RBFOX1: variants seen among roughly 807,000 people sequenced by gnomAD.
RBFOX1 encodes RNA binding protein fox-1 homolog 1.
RBFOX1 carries 8 observed loss-of-function variants against 57.7 expected under a neutral mutation model. The ratio of observed to expected loss-of-function variants is 0.14; its 90% CI spans 0.08 to 0.25. The LOEUF is 0.25. RBFOX1 is among the 10% of genes least tolerant of loss of function. The pLI is 1.00. For missense variants in RBFOX1, 611 were observed against 548.5 expected (o/e 1.11, Z -1.14); for synonymous variants, 326 against 222.4 (o/e 1.47, Z -4.15).
chr16:5,380,651 T>C (rs1331760274), intron 1 of RBFOX1, among the ~76,000 whole-genome samples: 1 of 152,194 alleles, frequency 6.6e-6, no homozygotes, highest in Non-Finnish European at 1.5e-5. Context: ...ATTTCATCCT[T>C]AAACAGATAT....
chr16:6,335,027 T>C (rs1045829904), intron 2 of RBFOX1, among the ~76,000 whole-genome samples: 33 of 152,252 alleles, frequency 2.2e-4, no homozygotes, highest in African/African-American at 7.7e-4. Flanking sequence ...GAATACCTAT[T>C]ATGCCTGTTA....
intron 1 of RBFOX1, among the ~76,000 whole-genome samples, chr16:6,316,361 G>C (rs1225673073): frequency 6.6e-6 from 1 of 152,148 alleles, no homozygotes; most frequent in African/African-American, 2.4e-5. Flanking sequence ...CCCTGTGATT[G>C]GGTGATGATA....
At chr16:5,731,359 A>G (rs1221831475) in intron 3 of RBFOX1, among the ~76,000 whole-genome samples, 1 of 152,196 alleles carries the variant, frequency 6.6e-6, no homozygotes, top group Non-Finnish European at 1.5e-5. Context: ...ATATTAATCA[A>G]TTCATATTTA....
intron 4 of RBFOX1, among the ~76,000 whole-genome samples, chr16:7,483,012 A>G (rs2064402749): frequency 6.6e-6 from 1 of 152,164 alleles, no homozygotes; most frequent in Non-Finnish European, 1.5e-5. Flanking sequence ...TTCCCAGGTC[A>G]TGAACCTGGG....
intron 4 of RBFOX1, among the ~76,000 whole-genome samples, chr16:7,180,568 A>G (rs2082498945): frequency 6.6e-6 from 1 of 152,186 alleles, no homozygotes; most frequent in African/African-American, 2.4e-5. Flanking sequence ...AGGTGACATT[A>G]AGGATAGTAA....
chr16:7,651,667 C>T (rs2065089480), intron 11 of RBFOX1, among the ~76,000 whole-genome samples: 1 of 152,178 alleles, frequency 6.6e-6, no homozygotes, highest in African/African-American at 2.4e-5. Flanking sequence ...GTGGAGACAA[C>T]TTTAACATGA....
At chr16:7,200,215 C>G (rs963141174) in intron 4 of RBFOX1, among the ~76,000 whole-genome samples, 1 of 152,124 alleles carries the variant, frequency 6.6e-6, no homozygotes, top group South Asian at 2.1e-4. Flanking sequence ...AAAGGAAACT[C>G]GACTGTCCTT....
chr16:7,450,225 C>T (rs1235265253), intron 4 of RBFOX1, among the ~76,000 whole-genome samples: 3 of 151,926 alleles, frequency 2.0e-5, no homozygotes, highest in Non-Finnish European at 2.9e-5. Context: ...GAAACCCCAT[C>T]TGTAATAAAA....
At chr16:7,058,031 C>G (rs539377987) in intron 4 of RBFOX1, among the ~76,000 whole-genome samples, 228 of 139,818 alleles carry the variant, frequency 1.6e-3, no homozygotes, top group African/African-American at 5.5e-3. Flanking sequence ...AACACGAAAA[C>G]CACCAGATAT....
chr16:7,061,898 A>C (rs2054407161), intron 4 of RBFOX1, among the ~76,000 whole-genome samples: 1 of 152,182 alleles, frequency 6.6e-6, no homozygotes, highest in African/African-American at 2.4e-5. Flanking sequence ...CAGGAAGCAA[A>C]TAAATAGGGC....
intron 3 of RBFOX1, among the ~76,000 whole-genome samples, chr16:6,800,136 A>T (rs902520921): frequency 6.6e-6 from 1 of 152,034 alleles, no homozygotes; most frequent in Admixed American, 6.6e-5. Context: ...TCCTAGTCCT[A>T]CTGGTTTGGG....
intron 1 of RBFOX1, among the ~76,000 whole-genome samples, chr16:6,217,597 C>T (rs1264935682): frequency 1.3e-5 from 2 of 152,184 alleles, no homozygotes; most frequent in Non-Finnish European, 2.9e-5. Flanking sequence ...TGGGTGTACC[C>T]ACATCGTGGT....
intron 2 of RBFOX1, among the ~76,000 whole-genome samples, chr16:5,513,593 C>G (rs1357441919): frequency 6.6e-6 from 1 of 152,118 alleles, no homozygotes. Context: ...GGAGGAGTAT[C>G]TACATAAATT....
intron 3 of RBFOX1, among the ~76,000 whole-genome samples, chr16:7,024,969 C>G (rs1430148682): frequency 2.0e-5 from 3 of 152,054 alleles, no homozygotes; most frequent in Non-Finnish European, 4.4e-5. Flanking sequence ...GGCCACACAC[C>G]AGGCAAGAAG....
intron 4 of RBFOX1, among the ~76,000 whole-genome samples, chr16:5,905,050 C>G (rs989629439): frequency 6.9e-5 from 10 of 144,154 alleles, no homozygotes; most frequent in African/African-American, 2.5e-4. Flanking sequence ...CCATATGACT[C>G]CATATGACTG....
chr16:7,500,553 C>A (rs2070404799), intron 4 of RBFOX1, among the ~76,000 whole-genome samples: 1 of 152,116 alleles, frequency 6.6e-6, no homozygotes, highest in Non-Finnish European at 1.5e-5. Flanking sequence ...CTTGTCGGGT[C>A]ATATGGATGA....
At chr16:5,822,170 A>C (rs2055880125) in intron 3 of RBFOX1, among the ~76,000 whole-genome samples, 1 of 152,228 alleles carries the variant, frequency 6.6e-6, no homozygotes, top group Admixed American at 6.5e-5. Flanking sequence ...ATTCTAAGTG[A>C]AGTAACTCAG....
At chr16:5,491,377 A>G (rs2042823404) in intron 2 of RBFOX1, among the ~76,000 whole-genome samples, 1 of 152,168 alleles carries the variant, frequency 6.6e-6, no homozygotes. Context: ...ATTCCTATCA[A>G]TGGAATCGCA....
intron 4 of RBFOX1, among the ~76,000 whole-genome samples, chr16:7,127,977 A>G (rs921322971): frequency 3.9e-5 from 6 of 152,240 alleles, no homozygotes; most frequent in African/African-American, 1.4e-4. Flanking sequence ...GGCTGGGTTC[A>G]GATGCACAAA....
Sources: gnomAD v4.1 joint callset for allele counts (sites outside exome capture counted in the v4.1 genomes callset) on GRCh38, gnomAD v4.1.1 for gene constraint, MANE v1.5 for transcripts, NCBI Gene and HGNC (gene_info 2026-07-23, HGNC 2026-07-21) for gene names.